CCDC158: variants seen among roughly 807,000 people sequenced by gnomAD.
CCDC158 encodes coiled-coil domain-containing protein 158.
CCDC158 carries 116 observed loss-of-function variants against 138.6 expected under a neutral mutation model. The observed-to-expected ratio is 0.84, with a 90% CI of 0.72 to 0.98. The LOEUF (loss-of-function observed/expected upper bound fraction) is 0.98, where lower values mean the gene tolerates loss of function less well. Ranked by LOEUF, CCDC158 falls within the 50% of genes least tolerant of loss-of-function variation. CCDC158 has a pLI of 0.00. For synonymous variants in CCDC158, 436 were observed against 442.4 expected (o/e 0.99, Z 0.18); for missense variants, 1,265 against 1,306.1 (o/e 0.97, Z 0.48).
intron 18 of CCDC158, chr4:76,345,282 G>A: frequency 2.1e-6 from 2 of 974,244 alleles, no homozygotes; most frequent in South Asian, 1.3e-5. Flanking sequence ...GCTCAACATC[G>A]AAGCTGCTAA....
At chr4:76,378,063 C>T (rs1348241058) in intron 9 of CCDC158, among the ~76,000 whole-genome samples, 1 of 152,190 alleles carries the variant, frequency 6.6e-6, no homozygotes, top group East Asian at 1.9e-4. Context: ...TGAGATTATA[C>T]AGTTTCATGT....
chr4:76,389,735 C>A (rs1215669375), intron 4 of CCDC158, among the ~76,000 whole-genome samples: 1 of 152,104 alleles, frequency 6.6e-6, no homozygotes, highest in Non-Finnish European at 1.5e-5. Flanking sequence ...AAATAACATA[C>A]AATGGAGCTC....
rs1190768872 is a variant in CCDC158 at position 76,323,499 on chromosome 4, T to C, written c.3170-90A>G. ...GAATTAAAGGCTAAACAATTTTTCTTTAAAATAAAGGGAACTTTTTTTCAT... is the reference window on the plus strand; with the variant it reads ...GAATTAAAGGCTAAACAATTTTTCTCTAAAATAAAGGGAACTTTTTTTCAT... On this transcript the variant is annotated intron_variant, in intron 23 of 24. Transcript: ENST00000682701. 4 of 1,047,238 alleles carry C rather than the reference T, an allele frequency of 3.8e-6. No homozygotes were observed. In the South Asian group the frequency reaches 5.4e-5, roughly 14 times the overall value. The allele number at this position is 1,047,238 out of a possible 1,614,324, so 64.9% of individuals were successfully genotyped here.
chr4:76,415,958 C>T (rs1286127183), intron 1 of CCDC158, among the ~76,000 whole-genome samples: 2 of 152,126 alleles, frequency 1.3e-5, no homozygotes, highest in East Asian at 1.9e-4. Context: ...CTGACAGGCC[C>T]GCCTGCAGTT....
intron 4 of CCDC158, among the ~76,000 whole-genome samples, chr4:76,389,622 C>T (rs1727131107): frequency 6.6e-6 from 1 of 152,128 alleles, no homozygotes; most frequent in African/African-American, 2.4e-5. Flanking sequence ...GGTTACAGAA[C>T]ATCAGCAGAT....
intron 4 of CCDC158, among the ~76,000 whole-genome samples, chr4:76,390,715 A>G (rs10000618): frequency 0.029 from 4,453 of 152,140 alleles, 217 homozygotes; most frequent in African/African-American, 0.1. Flanking sequence ...ACAAGACTCA[A>G]TGATCTGTTG....
At chr4:76,340,556 A>G (rs1578908374) in intron 18 of CCDC158, among the ~76,000 whole-genome samples, 1 of 152,340 alleles carries the variant, frequency 6.6e-6, no homozygotes, top group Non-Finnish European at 1.5e-5. Context: ...GCCTGCTTCC[A>G]TTTCCAACAT....
intron 9 of CCDC158, among the ~76,000 whole-genome samples, chr4:76,374,155 T>TA (rs112745789): frequency 0.029 from 4,417 of 151,910 alleles, 217 homozygotes; most frequent in African/African-American, 0.1. Context: ...GACACTCTCT[T>TA]AAAAAAACAA....
chr4:76,313,052 A>G lies in CCDC158; in HGVS notation c.*118T>C. On this transcript the variant is annotated 3_prime_UTR_variant, in exon 25 of 25. Coordinates refer to ENST00000682701, the MANE Select transcript of CCDC158 (RefSeq NM_001394954.1). ...TTTATTTCAAAATAGAGTTTACAAG[A>G]CAGGGTATCTTTTATTAAATTTTCA... is the stretch of plus-strand genomic sequence containing the variant. 1.7e-6 allele frequency: 1 copy of G among 605,162 alleles called. No homozygotes were observed. Among genetic ancestry groups the G allele is most frequent in the Admixed American group, 3.5e-5 (1 of 28,676 alleles). The allele number at this position is 605,162 out of a possible 1,614,324, so 37.5% of individuals were successfully genotyped here. A position where few individuals can be genotyped will look rare whatever the true frequency, so the allele number is the denominator to read the frequency against.
At chr4:76,349,193 T>C (rs571661944) in intron 18 of CCDC158, among the ~76,000 whole-genome samples, 3 of 152,366 alleles carry the variant, frequency 2.0e-5, no homozygotes, top group East Asian at 1.9e-4. Context: ...ATTGAATATA[T>C]GCTAGACACT....
At chr4:76,382,755 A>G (rs757717894) in intron 7 of CCDC158, 35 bp from the exon 8 acceptor site, 5 of 1,320,170 alleles carry the variant, frequency 3.8e-6, no homozygotes, top group Non-Finnish European at 5.4e-6. Context: ...CATTTGATAC[A>G]GAAGATTTTC....
At position 76,334,006 on chromosome 4, in the gene CCDC158, T is replaced by A. The variant is rs1285958794; in HGVS notation, c.2822+4A>T. On this transcript the variant is annotated splice_donor_region_variant and intron_variant, in intron 19 of 24. Transcript: ENST00000682701. The stretch of plus-strand genomic sequence containing the variant: ...TTTCCCATTCTGTGTGCACACAGCC[T>A]TACACAGCCACATACAAGGCTCCCA... 1.2e-6 allele frequency: 2 copies of A among 1,603,754 alleles called. No individual in the cohort carries two copies. The highest frequency in any genetic ancestry group is 8.5e-7 in the Non-Finnish European group (1 of 1,173,596).
At chr4:76,319,193 AC>A (rs1719706421) in intron 24 of CCDC158, among the ~76,000 whole-genome samples, 1 of 151,410 alleles carries the variant, frequency 6.6e-6, no homozygotes, top group Non-Finnish European at 1.5e-5. Context: ...AATGGTGTGA[AC>A]CCGGGAGGCA....
chr4:76,354,991 T>C (rs1723404744), intron 15 of CCDC158, among the ~76,000 whole-genome samples: 1 of 152,218 alleles, frequency 6.6e-6, no homozygotes. Context: ...ATTGTTCCCA[T>C]AAGCCCTGTG....
At chr4:76,376,237 T>C (rs987329969) in intron 9 of CCDC158, among the ~76,000 whole-genome samples, 5 of 152,106 alleles carry the variant, frequency 3.3e-5, no homozygotes, top group Admixed American at 1.3e-4. Flanking sequence ...ATTTTTGTTT[T>C]TATTTTTGTA....
chr4:76,331,720 GATA>G (rs1483439226), intron 20 of CCDC158, among the ~76,000 whole-genome samples: 1 of 152,082 alleles, frequency 6.6e-6, no homozygotes, highest in Non-Finnish European at 1.5e-5. Flanking sequence ...TTGATTAGAG[GATA>G]ATACAGGAGT....
intron 4 of CCDC158, among the ~76,000 whole-genome samples, chr4:76,394,571 A>C (rs1159344662): frequency 6.6e-6 from 1 of 152,114 alleles, no homozygotes; most frequent in Non-Finnish European, 1.5e-5. Context: ...TGATAGCACA[A>C]CAGGGTGACT....
At chr4:76,342,973 T>A (rs1177213075) in intron 18 of CCDC158, among the ~76,000 whole-genome samples, 1 of 152,170 alleles carries the variant, frequency 6.6e-6, no homozygotes, top group Admixed American at 6.5e-5. Context: ...AGAAGCTGTC[T>A]CCATATACTC....
rs543099868 is a variant in CCDC158, at chr4:76,418,755, G to T, written c.-117+2210C>A. 2.4e-4 allele frequency among the ~76,000 whole-genome samples: 37 copies of T among 152,206 alleles called. No individual in the cohort carries two copies. The East Asian group carries it at 6.8e-3, about 28-fold the overall frequency. On this transcript the variant is annotated intron_variant, in intron 1 of 24. Transcript: ENST00000682701. ...AATTACCTTCCACTGGGTCCCTCCC[G>T]CAACACACGGGAATTGTGGGAGCTA...
Sources: gnomAD v4.1 joint callset for allele counts (sites outside exome capture counted in the v4.1 genomes callset) on GRCh38, gnomAD v4.1.1 for gene constraint, MANE v1.5 for transcripts, NCBI Gene and HGNC (gene_info 2026-07-23, HGNC 2026-07-21) for gene names.